P2RX3: variants seen among roughly 807,000 people sequenced by gnomAD.
P2RX3 encodes P2X purinoceptor 3.
A neutral mutation model predicts 51.5 loss-of-function variants in P2RX3; 41 were observed. That is an observed-to-expected ratio of 0.80 (90% CI 0.62 to 1.03). The LOEUF (loss-of-function observed/expected upper bound fraction) is 1.03, where lower values mean the gene tolerates loss of function less well. Among genes scored for constraint, P2RX3 ranks in the 50% least tolerant of loss-of-function variants. The pLI is 0.00. For synonymous variants in P2RX3, 185 were observed against 191.6 expected, an observed-to-expected ratio of 0.97 and a Z score of 0.29; for missense variants, 459 against 522.1, an observed-to-expected ratio of 0.88 and a Z score of 1.18.
chr11:57,356,988 T>C (rs1287137259), intron 8 of P2RX3, among the ~76,000 whole-genome samples: 1 of 151,960 alleles, frequency 6.6e-6, no homozygotes, highest in Non-Finnish European at 1.5e-5. Context: ...AATTAGCAGG[T>C]TCTCTGTGTG....
At chr11:57,366,703 G>A (rs924642941) in intron 8 of P2RX3, among the ~76,000 whole-genome samples, 1 of 152,190 alleles carries the variant, frequency 6.6e-6, no homozygotes, top group African/African-American at 2.4e-5. Flanking sequence ...AGAAGTCCAA[G>A]GCTGTGGAGC....
At chr11:57,368,828 C>A (rs779360943) in intron 10 of P2RX3, among the ~76,000 whole-genome samples, 1 of 152,158 alleles carries the variant, frequency 6.6e-6, no homozygotes, top group Non-Finnish European at 1.5e-5. Context: ...CCCTTCCACC[C>A]CACGCAGTCC....
At chr11:57,364,669 C>T (rs951716169) in intron 8 of P2RX3, among the ~76,000 whole-genome samples, 2 of 152,104 alleles carry the variant, frequency 1.3e-5, no homozygotes, top group Admixed American at 6.6e-5. Context: ...ATAGAAATGA[C>T]GCCCTCTCTT....
chr11:57,350,051 A>C (rs1036410284), intron 7 of P2RX3, among the ~76,000 whole-genome samples, 153 bp downstream of exon 7: 1 of 152,156 alleles, frequency 6.6e-6, no homozygotes, highest in Non-Finnish European at 1.5e-5. Context: ...TTTGTGCCTG[A>C]ATCCTTTCTG....
intron 2 of P2RX3, 100 bp from the exon 3 acceptor site, chr11:57,347,016 C>T: frequency 2.3e-6 from 3 of 1,287,004 alleles, no homozygotes; most frequent in Non-Finnish European, 3.3e-6. Flanking sequence ...AGACACAAGC[C>T]TTGCTTTCCT....
intron 1 of P2RX3, among the ~76,000 whole-genome samples, chr11:57,342,148 C>CTTTTTTTTTTTT (rs67011422): frequency 2.1e-5 from 1 of 48,362 alleles, no homozygotes; most frequent in Non-Finnish European, 3.4e-5. Flanking sequence ...GCTGCCCCAT[C>CTTTTTTTTTTTT]TTTTTTTTTT....
upstream of P2RX3, among the ~76,000 whole-genome samples, chr11:57,337,313 AAG>A (rs1272653778): frequency 1.0e-5 from 1 of 100,110 alleles, no homozygotes; most frequent in Non-Finnish European, 2.0e-5. Context: ...AAAAGAAAGA[AAG>A]AAAAAGAAAA....
At chr11:57,337,329 A>AAAAAAAAGG (rs1554965262), upstream of P2RX3, among the ~76,000 whole-genome samples, 7 of 77,296 alleles carry the variant, frequency 9.1e-5, no homozygotes, top group Non-Finnish European at 1.4e-4. Context: ...AAGAAAAAAA[A>AAAAAAAAGG]AAGGAAGGGA....
intron 8 of P2RX3, among the ~76,000 whole-genome samples, chr11:57,360,884 G>T (rs184259258): frequency 2.0e-5 from 3 of 152,280 alleles, no homozygotes; most frequent in African/African-American, 7.2e-5. Flanking sequence ...GTCTGGTGTG[G>T]CAGATACTGT....
Position 57,371,042 on chromosome 11 carries a change from T to TC in P2RX3, c.*1046dup, listed in dbSNP as rs1332094241. 6.6e-6 allele frequency among the ~76,000 whole-genome samples: 1 copy of TC among 152,212 alleles called. No individual in the cohort carries two copies. The highest frequency in any genetic ancestry group is 1.5e-5 in the Non-Finnish European group (1 of 68,028). ...GAAGCTAAAGGGGCCTTTTAAACCA[T>TC]CTTATCTAACCCTCTTGCTTACAGA... is the stretch of plus-strand genomic sequence containing the variant. On this transcript the variant is annotated 3_prime_UTR_variant, in exon 12 of 12. Coordinates refer to ENST00000263314, the MANE Select transcript of P2RX3 (RefSeq NM_002559.5).
intron 8 of P2RX3, among the ~76,000 whole-genome samples, chr11:57,366,915 G>A (rs888270358): frequency 5.9e-5 from 9 of 152,244 alleles, no homozygotes; most frequent in Non-Finnish European, 1.0e-4. Flanking sequence ...GGCAGAGCCC[G>A]CAGGGTCCAA....
rs572763115 is a variant in P2RX3 at position 57,371,118 on chromosome 11, C to A, written c.*1121C>A. 6.6e-6 allele frequency among the ~76,000 whole-genome samples: 1 copy of A among 152,322 alleles called. No homozygotes were observed. The highest frequency in any genetic ancestry group is 2.4e-5 in the African/African-American group (1 of 41,570). On this transcript the variant is annotated 3_prime_UTR_variant, in exon 12 of 12. Coordinates refer to ENST00000263314, the MANE Select transcript of P2RX3 (RefSeq NM_002559.5). ...AAATGACTGGTTCAGTGCCACAGTT[C>A]ATGGCCAAAAAGGAACCCACATGTC...
chr11:57,349,156 T>C (rs1856496534), intron 6 of P2RX3, among the ~76,000 whole-genome samples: 1 of 152,116 alleles, frequency 6.6e-6, no homozygotes, highest in Admixed American at 6.5e-5. Flanking sequence ...CAGAGGGCAA[T>C]GCCAGTCACT....
At chr11:57,337,377 C>G (rs1297573807), upstream of P2RX3, among the ~76,000 whole-genome samples, 15 of 109,828 alleles carry the variant, frequency 1.4e-4, no homozygotes, top group African/African-American at 5.2e-4. Flanking sequence ...GAAAAAAAAA[C>G]CCAGCCCCAA....
chr11:57,368,671 C>T (rs1167913366), intron 10 of P2RX3, among the ~76,000 whole-genome samples: 1 of 152,226 alleles, frequency 6.6e-6, no homozygotes, highest in Non-Finnish European at 1.5e-5. Flanking sequence ...TTCCCGTTTT[C>T]AGGAGACTCC....
At chr11:57,368,272 G>T in intron 9 of P2RX3, 100 bp from the exon 10 acceptor site, 1 of 1,397,414 alleles carries the variant, frequency 7.2e-7, no homozygotes. Flanking sequence ...GGAGGGATCT[G>T]CTGATCCACC....
chr11:57,368,758 T>C (rs1224549880), intron 10 of P2RX3, among the ~76,000 whole-genome samples: 2 of 152,134 alleles, frequency 1.3e-5, no homozygotes, highest in Non-Finnish European at 1.5e-5. Context: ...TGAGATGCCT[T>C]AATGAGGAAC....
intron 8 of P2RX3, 149 bp from the exon 9 acceptor site, chr11:57,367,860 C>T: frequency 1.6e-6 from 1 of 636,402 alleles, no homozygotes; most frequent in Non-Finnish European, 2.8e-6. Flanking sequence ...GTCAGCTAAC[C>T]ACACAGGGAG....
intron 1 of P2RX3, among the ~76,000 whole-genome samples, chr11:57,344,324 A>G (rs1856394516): frequency 6.6e-6 from 1 of 152,268 alleles, no homozygotes; most frequent in Non-Finnish European, 1.5e-5. Context: ...GATCATTAGC[A>G]TGACATAATC....
Sources: allele counts gnomAD v4.1 joint callset (sites outside exome capture counted in the v4.1 genomes callset), GRCh38; gene constraint gnomAD v4.1.1; transcripts MANE v1.5; gene names NCBI Gene and HGNC (gene_info 2026-07-23, HGNC 2026-07-21).